Variants in MYRF observed in about 807,000 individuals in gnomAD.
MYRF encodes myelin regulatory factor.
A neutral mutation model predicts 126.3 loss-of-function variants in MYRF; 16 were observed. The observed-to-expected ratio is 0.13, with a 90% CI of 0.09 to 0.19. The LOEUF is 0.19. Among genes scored for constraint, MYRF ranks in the 10% least tolerant of loss-of-function variants. MYRF has a pLI of 1.00. For synonymous variants in MYRF, 608 were observed against 635.3 expected (o/e 0.96, Z 0.65); for missense variants, 1,104 against 1,547.0 (o/e 0.71, Z 4.80).
At chr11:61,780,891 A>T in intron 19 of MYRF, 69 bp from the exon 20 acceptor site, 1 of 1,592,432 alleles carries the variant, frequency 6.3e-7, no homozygotes, top group East Asian at 2.2e-5. Context: ...CTGCCTCTCC[A>T]GGACTGTCAG....
In MYRF at chr11:61,780,532, G is replaced by A. The variant is rs117301449; in HGVS notation, c.2406-180G>A. ...TGCCCCTCCAGGTAGCTGGGCCTGCGAGTCAGGGCTGTCTGAGGGGCTGGG... is the reference window on the plus strand; with the variant it reads ...TGCCCCTCCAGGTAGCTGGGCCTGCAAGTCAGGGCTGTCTGAGGGGCTGGG... On this transcript the variant is annotated intron_variant, in intron 18 of 26. Coordinates refer to ENST00000278836, the MANE Select transcript of MYRF (RefSeq NM_001127392.3). 3.8e-3 allele frequency among the ~76,000 whole-genome samples: 572 copies of A among 152,298 alleles called. 3 individuals carry two copies. The highest frequency in any genetic ancestry group is 6.6e-3 in the Non-Finnish European group (449 of 68,012).
intron 1 of MYRF, among the ~76,000 whole-genome samples, chr11:61,760,273 C>G (rs1182646553): frequency 6.6e-6 from 1 of 152,126 alleles, no homozygotes; most frequent in Non-Finnish European, 1.5e-5. Context: ...GGCCATAGAT[C>G]ATATTAATAA....
chr11:61,762,184 G>C lies in MYRF; in HGVS notation c.47-3441G>C, dbSNP rs572537530. On this transcript the variant is annotated intron_variant, in intron 1 of 26. Coordinates refer to ENST00000278836, the MANE Select transcript of MYRF (RefSeq NM_001127392.3). Reference sequence around the variant, plus strand: ...GGGATGGAGGATGGAAAGGAGGCAAGGGCTGACCACGGAGAGGAGGGGAGG... The same window carrying C: ...GGGATGGAGGATGGAAAGGAGGCAACGGCTGACCACGGAGAGGAGGGGAGG... Among the ~76,000 whole-genome samples the C allele has an allele frequency of 8.3e-3, 1,261 of 152,320 alleles. 9 individuals carry two copies. The highest frequency in any genetic ancestry group is 8.8e-3 in the Non-Finnish European group (596 of 68,016).
Position 61,776,012 on chromosome 11 carries a change from C to T in MYRF, c.1312-44C>T, listed in dbSNP as rs201781790. The T allele has an allele frequency of 7.1e-5, 113 of 1,595,892 alleles. No homozygotes were observed. In the African/African-American group the frequency reaches 1.2e-3, roughly 16 times the overall value. ...GAGGGGGCAGGAGGGCAGGACCAGC[C>T]GGGTAGCCCCATCCTGAGGTGCCAC... On this transcript the variant is annotated intron_variant, in intron 8 of 26. Coordinates refer to ENST00000278836, the MANE Select transcript of MYRF (RefSeq NM_001127392.3). This position sits in a 1 kb window ranked among gnomAD's most constrained non-coding sequence, Gnocchi z 4.3.
At position 61,766,168 on chromosome 11, in the gene MYRF, G is replaced by A. The variant is rs748174896; in HGVS notation, c.345G>A (p.Pro115=). Residue 115 remains proline (P), a synonymous_variant, in exon 3 of 27, where the codon CCG becomes CCA. Coordinates refer to ENST00000278836, the MANE Select transcript of MYRF (RefSeq NM_001127392.3). ...TGGGCGCTGCCCCCAAGCCCTTCCC[G>A]GGGGGCACCGGGCCCCCCATCAAGG... ...NGMGAAPKPF[P]GGTGPPIKAE... 6.8e-6 allele frequency: 11 copies of A among 1,611,480 alleles called. No individual in the cohort carries two copies. Among genetic ancestry groups the A allele is most frequent in the East Asian group, 2.2e-5 (1 of 44,882 alleles).
Position 61,766,119 on chromosome 11 carries a change from T to C in MYRF, c.296T>C (p.Leu99Pro), listed in dbSNP as rs759995010. 2.5e-6 allele frequency: 4 copies of C among 1,609,568 alleles called. No individual in the cohort carries two copies. Among genetic ancestry groups the C allele is most frequent in the Non-Finnish European group, 3.4e-6 (4 of 1,179,486 alleles). The change falls in exon 3 of 27, where the codon CTG (leucine) becomes CCG (proline). Residue 99 changes from leucine to proline, a missense_variant. By Grantham distance (98) the Leu-to-Pro change is moderately conservative (BLOSUM62 -3). Transcript: ENST00000278836. Reference protein sequence around the residue: ...PLPPPGYGTPLNCNNNNGMGA... With the variant: ...PLPPPGYGTPPNCNNNNGMGA... ...CCACCCCCGGGCTACGGCACCCCGCTGAACTGCAACAACAACAACGGCATG... is the reference window on the plus strand; with the variant it reads ...CCACCCCCGGGCTACGGCACCCCGCCGAACTGCAACAACAACAACGGCATG...
rs1384697979 is a variant in MYRF, at chr11:61,783,506, C to G, written c.3025C>G (p.Leu1009Val). 6.2e-7 allele frequency: 1 copy of G among 1,613,520 alleles called. No homozygotes were observed. Among genetic ancestry groups the G allele is most frequent in the Non-Finnish European group, 8.5e-7 (1 of 1,179,876 alleles). Residue 1009 changes from leucine to valine, a missense_variant, in exon 23 of 27, where the codon CTT (leucine) becomes GTT (valine). Physicochemically the swap from Leu to Val is conservative, Grantham distance 32. This residue lies in a region of MYRF where 323 missense variants were observed against 383.1 expected (regional missense o/e 0.84). Coordinates refer to ENST00000278836, the MANE Select transcript of MYRF (RefSeq NM_001127392.3). The surrounding 1 kb of genome is among the most constrained non-coding windows in gnomAD (Gnocchi z 4.6). The part of the protein sequence containing the change: ...TWAQGQSASL[L>V]AEPVPSLTSI... The stretch of plus-strand genomic sequence containing the variant: ...TACTCCTGCCCCAACAGCCTCTCTC[C>G]TTGCAGAGCCAGTGCCCTCCCTGAC...
chr11:61,761,477 A>G (rs866454184), intron 1 of MYRF, among the ~76,000 whole-genome samples: 1 of 152,262 alleles, frequency 6.6e-6, no homozygotes, highest in South Asian at 2.1e-4. Flanking sequence ...CTGCCTGGGA[A>G]GGGGCAGTGT....
At chr11:61,766,944 G>A in intron 3 of MYRF, 1 of 451,160 alleles carries the variant, frequency 2.2e-6, no homozygotes, top group Non-Finnish European at 4.5e-6. Context: ...TCTGTGTTCA[G>A]ACAGCCTGGC....
At position 61,774,153 on chromosome 11, in the gene MYRF, C is replaced by T. The variant is rs370594037; in HGVS notation, c.1302C>T (p.His434=). ...KPLDCFYLKL[H]GVKLEALNQS... is the part of the protein sequence containing the mutation. Reference sequence around the variant, plus strand: ...TCGACTGCTTCTATCTGAAGCTGCACGGAGTGAAGGCAAGTTTGGGGCTCA... The same window carrying T: ...TCGACTGCTTCTATCTGAAGCTGCATGGAGTGAAGGCAAGTTTGGGGCTCA... Residue 434 remains histidine, a synonymous_variant, in exon 8 of 27, where the codon CAC becomes CAT. Coordinates refer to ENST00000278836, the MANE Select transcript of MYRF (RefSeq NM_001127392.3). 1.2e-5 allele frequency: 19 copies of T among 1,603,296 alleles called. No homozygotes were observed. The East Asian group carries it at 2.2e-4, about 19-fold the overall frequency.
Position 61,784,292 on chromosome 11 carries a change from C to T in MYRF, c.3207C>T (p.Pro1069=), listed in dbSNP as rs370887875. 2.1e-3 allele frequency: 3,443 copies of T among 1,613,882 alleles called. 90 individuals carry two copies. The South Asian group carries it at 0.035, about 16-fold the overall frequency. ...GGCCTGTCTACAGCTCCTCCTCCCC[C>T]GTGTCTGTGGTGCTGTGCAGCCTGA... is the stretch of plus-strand genomic sequence containing the variant. ...SLTLQMNSSS[P]VSVVLCSLRS... The change falls in exon 25 of 27, where the codon CCC becomes CCT. Residue 1069 remains proline (P), a synonymous_variant. Coordinates refer to ENST00000278836, the MANE Select transcript of MYRF (RefSeq NM_001127392.3).
chr11:61,769,804 G>A (rs1162142535), intron 4 of MYRF, among the ~76,000 whole-genome samples: 3 of 152,114 alleles, frequency 2.0e-5, no homozygotes, highest in Non-Finnish European at 4.4e-5. Context: ...AAGGGAGCTG[G>A]GGCCTCCCCG....
intron 25 of MYRF, 78 bp downstream of exon 25, chr11:61,784,463 C>A: frequency 8.6e-7 from 1 of 1,167,184 alleles, no homozygotes; most frequent in Non-Finnish European, 1.2e-6. Flanking sequence ...CCAAAATGGG[C>A]AAGGAGCAGA....
Position 61,766,416 on chromosome 11 carries a change from G to A in MYRF, c.398+195G>A. 3.6e-6 allele frequency: 2 copies of A among 553,834 alleles called. 1 individual carries two copies. The highest frequency in any genetic ancestry group is 6.1e-6 in the Non-Finnish European group (2 of 325,660). 34.3% of individuals were successfully genotyped at this position (553,834 alleles called of 1,614,324 possible). On this transcript the variant is annotated intron_variant, in intron 3 of 26. Coordinates refer to ENST00000278836, the MANE Select transcript of MYRF (RefSeq NM_001127392.3). ...GACTCCTGGGCTTTGTTCTGAGGCAGTGGGCAGCCACAAAGCTTCTAAGCA... is the reference window on the plus strand; with the variant it reads ...GACTCCTGGGCTTTGTTCTGAGGCAATGGGCAGCCACAAAGCTTCTAAGCA...
In MYRF at chr11:61,778,681, G is replaced by A. The variant is rs544647947; in HGVS notation, c.2013+192G>A. Reference sequence around the variant, plus strand: ...AGTGTTCAAGGAGATGAGTGGGTAGGGATTTGGCCCCTGGAGCCTGTGTGA... The same window carrying A: ...AGTGTTCAAGGAGATGAGTGGGTAGAGATTTGGCCCCTGGAGCCTGTGTGA... On this transcript the variant is annotated intron_variant, in intron 14 of 26. Coordinates refer to ENST00000278836, the MANE Select transcript of MYRF (RefSeq NM_001127392.3). This position sits in a 1 kb window ranked among gnomAD's most constrained non-coding sequence, Gnocchi z 4.6. 1.7e-4 allele frequency: 114 copies of A among 663,226 alleles called. No homozygotes were observed. Among genetic ancestry groups the A allele is most frequent in the Admixed American group, 3.1e-4 (15 of 48,570 alleles). The allele number at this position is 663,226 out of a possible 1,614,324, so 41.1% of individuals were successfully genotyped here.
In MYRF at chr11:61,773,597, G is replaced by A. The variant is rs552843525; in HGVS notation, c.1116-370G>A. Among the ~76,000 whole-genome samples the A allele has an allele frequency of 2.6e-5, 4 of 152,316 alleles. No homozygotes were observed. The South Asian group carries it at 8.3e-4, about 32-fold the overall frequency. Reference sequence around the variant, plus strand: ...GACACAGTCCCTCTCGGGTGAGTGAGGGGGCTTCAGGCAGCCTTCTGGGAA... The same window carrying A: ...GACACAGTCCCTCTCGGGTGAGTGAAGGGGCTTCAGGCAGCCTTCTGGGAA... On this transcript the variant is annotated intron_variant, in intron 7 of 26. Transcript: ENST00000278836.
intron 22 of MYRF, chr11:61,782,754 G>A (rs188040256): frequency 2.4e-4 from 37 of 152,356 alleles, no homozygotes; most frequent in African/African-American, 8.7e-4. Flanking sequence ...CAGAAGGGAT[G>A]TGGGAAGGGC....
rs767060079 is a variant in MYRF, at chr11:61,781,241, C to G, written c.2676C>G (p.Thr892=). 21 of 1,614,092 alleles carry G rather than the reference C, an allele frequency of 1.3e-5. No individual in the cohort carries two copies. In the African/African-American group the frequency reaches 1.7e-4, roughly 13 times the overall value. Residue 892 remains threonine (T), a synonymous_variant, in exon 21 of 27, where the codon ACC becomes ACG. Coordinates refer to ENST00000278836, the MANE Select transcript of MYRF (RefSeq NM_001127392.3). ...CPVICCSSPT[T]NPTTGPSLGP... Reference sequence around the variant, plus strand: ...TCATCTGCTGTTCCTCACCCACTACCAACCCTACCACTGGTCCTAGTCTTG... The same window carrying G: ...TCATCTGCTGTTCCTCACCCACTACGAACCCTACCACTGGTCCTAGTCTTG...
Position 61,778,273 on chromosome 11 carries a change from G to A in MYRF, c.1904-107G>A. ...GGCTCCTTGGAATCCAAATCTCTGG[G>A]TTCCAGAACTTCACCCTCTCCAGTC... On this transcript the variant is annotated intron_variant, in intron 13 of 26. Transcript: ENST00000278836. The surrounding 1 kb of genome is among the most constrained non-coding windows in gnomAD (Gnocchi z 4.6). The A allele has an allele frequency of 8.9e-6, 7 of 786,224 alleles. No individual in the cohort carries two copies. The East Asian group carries it at 1.5e-4, about 17-fold the overall frequency. 48.7% of individuals were successfully genotyped at this position (786,224 alleles called of 1,614,324 possible).
Sources: allele counts gnomAD v4.1 joint callset (sites outside exome capture counted in the v4.1 genomes callset), GRCh38; gene constraint gnomAD v4.1.1; regional missense constraint gnomAD v4.1.1; non-coding constraint Gnocchi (gnomAD v3.1); transcripts MANE v1.5; gene names NCBI Gene and HGNC (gene_info 2026-07-23, HGNC 2026-07-21).